Variants in SHROOM3 observed in about 807,000 individuals in gnomAD.
The protein encoded by SHROOM3 is protein Shroom3.
A neutral mutation model predicts 138.6 loss-of-function variants in SHROOM3; 47 were observed. That is an observed-to-expected ratio of 0.34 (90% CI 0.27 to 0.43). The LOEUF is 0.43. Among genes scored for constraint, SHROOM3 ranks in the 20% least tolerant of loss-of-function variants. The pLI is 1.00. For missense variants in SHROOM3, 2,491 were observed against 2,596.5 expected (o/e 0.96, Z 0.88); for synonymous variants, 1,062 against 1,063.3 (o/e 1.00, Z 0.02).
chr4:76,758,112 T>G (rs1374076274), intron 8 of SHROOM3: 1 of 152,208 alleles, frequency 6.6e-6, no homozygotes, highest in African/African-American at 2.4e-5. Context: ...CCTTGTCCAT[T>G]TCACTGCTTT....
At chr4:76,457,293 C>T (rs1410906973) in intron 1 of SHROOM3, among the ~76,000 whole-genome samples, 2 of 152,008 alleles carry the variant, frequency 1.3e-5, no homozygotes, top group African/African-American at 4.8e-5. Context: ...AGTGAGCTCT[C>T]GTGAGATCTG....
At chr4:76,745,147 A>C (rs1366184723) in intron 5 of SHROOM3, among the ~76,000 whole-genome samples, 2 of 152,240 alleles carry the variant, frequency 1.3e-5, no homozygotes, top group Non-Finnish European at 2.9e-5. Context: ...TTAAGTGCAC[A>C]TCAGACTCTT....
At chr4:76,750,330 G>GT (rs1278533978) in intron 6 of SHROOM3, among the ~76,000 whole-genome samples, 1 of 151,994 alleles carries the variant, frequency 6.6e-6, no homozygotes, top group Non-Finnish European at 1.5e-5. Context: ...ATGGGCAAAG[G>GT]TAAAAAAAAG....
intron 7 of SHROOM3, 41 bp downstream of exon 7, chr4:76,755,233 G>A (rs1481435327): frequency 6.2e-7 from 1 of 1,601,820 alleles, no homozygotes; most frequent in Non-Finnish European, 8.5e-7. Context: ...ACTAACAGGA[G>A]AGTGTCATGC....
chr4:76,752,300 G>A (rs1167575381), intron 6 of SHROOM3, among the ~76,000 whole-genome samples: 1 of 152,164 alleles, frequency 6.6e-6, no homozygotes, highest in Non-Finnish European at 1.5e-5. Flanking sequence ...TAGTAGGAGG[G>A]GGAAATGGGG....
chr4:76,772,477 G>A (rs1451602564), intron 10 of SHROOM3, among the ~76,000 whole-genome samples: 1 of 152,118 alleles, frequency 6.6e-6, no homozygotes, highest in Non-Finnish European at 1.5e-5. Flanking sequence ...GCATTAAAAG[G>A]AAAGAGGTCC....
At chr4:76,465,335 T>C (rs187289094) in intron 1 of SHROOM3, among the ~76,000 whole-genome samples, 180 of 152,342 alleles carry the variant, frequency 1.2e-3, no homozygotes, top group African/African-American at 4.3e-3. Flanking sequence ...TTCCAGCTGT[T>C]ACACCTTTGG....
chr4:76,775,305 GAGT>G (rs1179784097), intron 10 of SHROOM3, among the ~76,000 whole-genome samples: 1 of 148,668 alleles, frequency 6.7e-6, no homozygotes, highest in Non-Finnish European at 1.5e-5. Context: ...TTTTATGGCT[GAGT>G]AGTAGTCCAT....
At chr4:76,717,815 A>G (rs1349734799) in intron 3 of SHROOM3, among the ~76,000 whole-genome samples, 1 of 152,248 alleles carries the variant, frequency 6.6e-6, no homozygotes, top group African/African-American at 2.4e-5. Context: ...TTGAGATTAT[A>G]GTCATATATG....
intron 2 of SHROOM3, chr4:76,559,480 A>T (rs887419699): frequency 5.3e-5 from 8 of 151,962 alleles, no homozygotes; most frequent in Non-Finnish European, 1.2e-4. Flanking sequence ...TTTCTATGTG[A>T]TCTCTATACT....
intron 1 of SHROOM3, among the ~76,000 whole-genome samples, chr4:76,452,877 C>A (rs968982166): frequency 6.6e-6 from 1 of 152,114 alleles, no homozygotes; most frequent in South Asian, 2.1e-4. Context: ...GCCACCATGC[C>A]GAGCTAATTT....
At chr4:76,684,405 C>T (rs1719278554) in intron 2 of SHROOM3, among the ~76,000 whole-genome samples, 2 of 152,220 alleles carry the variant, frequency 1.3e-5, no homozygotes, top group African/African-American at 4.8e-5. Context: ...AATATTGTTG[C>T]TCTGTTCTTT....
At chr4:76,547,048 A>G (rs932238936) in intron 1 of SHROOM3, among the ~76,000 whole-genome samples, 13 of 152,238 alleles carry the variant, frequency 8.5e-5, no homozygotes, top group African/African-American at 2.9e-4. Context: ...AGTGCGTGCC[A>G]GCTCTTTTTC....
chr4:76,721,052 G>C (rs960657666), intron 3 of SHROOM3, among the ~76,000 whole-genome samples: 3 of 151,840 alleles, frequency 2.0e-5, no homozygotes, highest in African/African-American at 7.3e-5. Flanking sequence ...CCACTTTTAA[G>C]AATTTCTCCA....
At chr4:76,544,589 GT>G (rs1223354646) in intron 1 of SHROOM3, among the ~76,000 whole-genome samples, 2 of 151,700 alleles carry the variant, frequency 1.3e-5, no homozygotes, top group Non-Finnish European at 2.9e-5. Context: ...TAAAGATAGG[GT>G]TTCGCCATGT....
At chr4:76,574,661 A>G (rs569853940) in intron 2 of SHROOM3, among the ~76,000 whole-genome samples, 4 of 152,328 alleles carry the variant, frequency 2.6e-5, no homozygotes, top group Admixed American at 2.6e-4. Context: ...GGAAATTCTG[A>G]TATATGCTAC....
chr4:76,606,038 G>A lies in SHROOM3; in HGVS notation c.323+50275G>A, dbSNP rs183440054. 6.4e-3 allele frequency among the ~76,000 whole-genome samples: 730 copies of A among 114,464 alleles called. 6 individuals carry two copies. Among genetic ancestry groups the A allele is most frequent in the African/African-American group, 0.022 (649 of 29,306 alleles). 75.1% of individuals were successfully genotyped at this position (114,464 alleles called of 152,430 possible). On this transcript the variant is annotated intron_variant, in intron 2 of 10. Coordinates refer to ENST00000296043, the MANE Select transcript of SHROOM3 (RefSeq NM_020859.4). ...TTTTTTTTTTTTTTTTTTCTGAGAC[G>A]GAGTCTCACTCTGTTGCCAGGCTGG... is the stretch of plus-strand genomic sequence containing the variant.
intron 2 of SHROOM3, among the ~76,000 whole-genome samples, chr4:76,570,796 G>A (rs765834014): frequency 6.6e-6 from 1 of 152,164 alleles, no homozygotes; most frequent in Non-Finnish European, 1.5e-5. Flanking sequence ...AATAATTCAT[G>A]CACATTCCCG....
intron 2 of SHROOM3, among the ~76,000 whole-genome samples, chr4:76,641,822 T>C (rs1735677844): frequency 1.3e-5 from 2 of 152,218 alleles, no homozygotes; most frequent in Admixed American, 6.5e-5. Context: ...CCCCGACCAG[T>C]TGGTTCACAT....
Sources: gnomAD v4.1 joint callset for allele counts (sites outside exome capture counted in the v4.1 genomes callset) on GRCh38, gnomAD v4.1.1 for gene constraint, MANE v1.5 for transcripts, NCBI Gene and HGNC (gene_info 2026-07-23, HGNC 2026-07-21) for gene names.